Variants in CMPK1 observed in about 807,000 individuals in gnomAD.
CMPK1 encodes the protein cytidine/uridine monophosphate kinase 1, also known as UMP-CMP kinase.
CMPK1 carries 10 observed loss-of-function variants against 25.7 expected under a neutral mutation model. That is an observed-to-expected ratio of 0.39 (90% CI 0.24 to 0.66). The LOEUF is 0.66. CMPK1 is among the 30% of genes least tolerant of loss of function. The pLI is 0.48. For synonymous variants in CMPK1, 106 were observed against 101.5 expected, an observed-to-expected ratio of 1.04 and a Z score of -0.27; for missense variants, 199 against 280.5, an observed-to-expected ratio of 0.71 and a Z score of 2.08.
At chr1:47,351,078 TTTTGTTTGTTTG>T (rs371788247) in intron 1 of CMPK1, among the ~76,000 whole-genome samples, 1 of 151,806 alleles carries the variant, frequency 6.6e-6, no homozygotes, top group Non-Finnish European at 1.5e-5. Context: ...TTAACATAAT[TTTTGTTTGTTTG>T]TTTGTTTGTT....
intron 1 of CMPK1, among the ~76,000 whole-genome samples, chr1:47,342,758 T>G (rs1646450936): frequency 6.6e-6 from 1 of 150,488 alleles, no homozygotes; most frequent in Non-Finnish European, 1.5e-5. Flanking sequence ...CAAGAAATTC[T>G]CCTGCCTCAG....
intron 5 of CMPK1, among the ~76,000 whole-genome samples, chr1:47,376,223 CA>C (rs1264903575): frequency 6.6e-6 from 1 of 151,428 alleles, no homozygotes; most frequent in East Asian, 1.9e-4. Context: ...GTATGTGATT[CA>C]AAAAAATGAT....
At chr1:47,364,550 C>T (rs1024417398) in intron 1 of CMPK1, among the ~76,000 whole-genome samples, 1 of 151,270 alleles carries the variant, frequency 6.6e-6, no homozygotes, top group Non-Finnish European at 1.5e-5. Context: ...ATCTCCTGAC[C>T]TGGTGATCCA....
intron 1 of CMPK1, among the ~76,000 whole-genome samples, chr1:47,359,508 C>T (rs550309725): frequency 6.7e-6 from 1 of 149,514 alleles, no homozygotes; most frequent in Non-Finnish European, 1.5e-5. Flanking sequence ...CTGTTTCAGC[C>T]TCCTGAGTAG....
chr1:47,335,109 G>A (rs1332534838), intron 1 of CMPK1, among the ~76,000 whole-genome samples: 1 of 152,160 alleles, frequency 6.6e-6, no homozygotes, highest in Non-Finnish European at 1.5e-5. Context: ...GCGACCATTG[G>A]TGGCCTCTAG....
At chr1:47,372,800 CTTT>C (rs375936386) in intron 2 of CMPK1, among the ~76,000 whole-genome samples, 152 bp from the exon 3 acceptor site, 2 of 84,166 alleles carry the variant, frequency 2.4e-5, no homozygotes, top group South Asian at 5.6e-4. Context: ...TTCTTTCTTT[CTTT>C]TTTTCTTTTC....
At chr1:47,343,468 A>T (rs1172324297) in intron 1 of CMPK1, among the ~76,000 whole-genome samples, 2 of 150,724 alleles carry the variant, frequency 1.3e-5, no homozygotes, top group African/African-American at 4.9e-5. Flanking sequence ...AGACCACACC[A>T]TTGCACTCCA....
Position 47,349,165 on chromosome 1 carries a change from A to G in CMPK1, c.171+15049A>G, listed in dbSNP as rs7525552. 5.4e-3 allele frequency among the ~76,000 whole-genome samples: 826 copies of G among 152,332 alleles called. 8 individuals carry two copies. Among genetic ancestry groups the G allele is most frequent in the African/African-American group, 0.019 (780 of 41,592 alleles). ...CATCTGCAAGCCAGGACATAACAAA[A>G]TGATCAACTTTGAGTTTCTTCTTTA... On this transcript the variant is annotated intron_variant, in intron 1 of 5. Coordinates refer to ENST00000371873, the MANE Select transcript of CMPK1 (RefSeq NM_016308.3).
At chr1:47,353,863 C>T (rs1398438353) in intron 1 of CMPK1, among the ~76,000 whole-genome samples, 3 of 152,064 alleles carry the variant, frequency 2.0e-5, no homozygotes, top group Admixed American at 6.6e-5. Flanking sequence ...ATTACAGGCA[C>T]CCGCCCCCAT....
intron 1 of CMPK1, among the ~76,000 whole-genome samples, chr1:47,365,271 CTTT>C (rs34324996): frequency 3.6e-5 from 5 of 137,216 alleles, no homozygotes; most frequent in Non-Finnish European, 4.6e-5. Flanking sequence ...CCCTGAAGAT[CTTT>C]TTTTTTTTTT....
At chr1:47,356,362 T>C (rs1283286040) in intron 1 of CMPK1, among the ~76,000 whole-genome samples, 1 of 152,128 alleles carries the variant, frequency 6.6e-6, no homozygotes, top group Non-Finnish European at 1.5e-5. Context: ...TTCATTGTTC[T>C]ATTTGTCTAT....
At chr1:47,369,395 C>T (rs1435996761) in intron 2 of CMPK1, among the ~76,000 whole-genome samples, 1 of 152,184 alleles carries the variant, frequency 6.6e-6, no homozygotes, top group Non-Finnish European at 1.5e-5. Context: ...AGAAAGCGGA[C>T]AGTGGCAAGG....
chr1:47,339,701 CTTTTTTTTTTTT>C (rs71053104), intron 1 of CMPK1, among the ~76,000 whole-genome samples: 3 of 109,954 alleles, frequency 2.7e-5, no homozygotes, highest in East Asian at 2.8e-4. Flanking sequence ...TCTTCCTTTC[CTTTTTTTTTTTT>C]TTTTTTTTTT....
At chr1:47,358,273 AGG>A in intron 1 of CMPK1, 1 of 492,992 alleles carries the variant, frequency 2.0e-6, no homozygotes, top group South Asian at 1.5e-5. Context: ...TCACCATGAC[AGG>A]CTAATTTTTC....
chr1:47,356,458 T>C (rs1194052807), intron 1 of CMPK1, among the ~76,000 whole-genome samples: 1 of 152,190 alleles, frequency 6.6e-6, no homozygotes, highest in Non-Finnish European at 1.5e-5. Flanking sequence ...TTTGTAGTTA[T>C]TAATATTATT....
intron 1 of CMPK1, among the ~76,000 whole-genome samples, chr1:47,352,464 T>C (rs1164166880): frequency 1.3e-5 from 2 of 148,392 alleles, no homozygotes; most frequent in Non-Finnish European, 3.0e-5. Context: ...ATCTATATAG[T>C]GCCACGAGTT....
chr1:47,343,270 A>C (rs1646455352), intron 1 of CMPK1, among the ~76,000 whole-genome samples: 1 of 150,622 alleles, frequency 6.6e-6, no homozygotes, highest in Non-Finnish European at 1.5e-5. Context: ...TACAGGCATG[A>C]GCCACAATGC....
chr1:47,373,022 A>C lies in CMPK1; in HGVS notation c.386A>C (p.Asn129Thr), dbSNP rs1054097379. 1.2e-6 allele frequency: 2 copies of C among 1,613,560 alleles called. No homozygotes were observed. Among genetic ancestry groups the C allele is most frequent in the Non-Finnish European group, 1.7e-6 (2 of 1,179,794 alleles). The change falls in exon 3 of 6, where the codon AAT becomes ACT. Residue 129 changes from asparagine (N) to threonine (T), a missense_variant. Around this residue, in one of 2 missense-constraint regions of CMPK1, gnomAD observed 140 missense variants for 235.5 expected, o/e 0.59. Coordinates refer to ENST00000371873, the MANE Select transcript of CMPK1 (RefSeq NM_016308.3). ...TTCTTGATTGATGGGTTTCCAAGAA[A>C]TCAAGACAACCTTCAAGGATGGAAC... ...NKFLIDGFPR[N>T]QDNLQGWNKT...
rs188128238 is a variant in CMPK1 at position 47,369,602 on chromosome 1, G to A, written c.318+987G>A. Among the ~76,000 whole-genome samples the A allele has an allele frequency of 1.5e-3, 218 of 149,314 alleles. 1 individual carries two copies. Among genetic ancestry groups the A allele is most frequent in the Admixed American group, 0.011 (168 of 14,916 alleles). Reference sequence around the variant, plus strand: ...TTTTGAGATAGAGTCTCGCTCTGTCGCCAGGCTGGAGTGTAGTGGCGCGAT... The same window carrying A: ...TTTTGAGATAGAGTCTCGCTCTGTCACCAGGCTGGAGTGTAGTGGCGCGAT... On this transcript the variant is annotated intron_variant, in intron 2 of 5. Coordinates refer to ENST00000371873, the MANE Select transcript of CMPK1 (RefSeq NM_016308.3).
Sources: gnomAD v4.1 joint callset for allele counts (sites outside exome capture counted in the v4.1 genomes callset) on GRCh38, gnomAD v4.1.1 for gene constraint, gnomAD v4.1.1 regional missense constraint, MANE v1.5 for transcripts, NCBI Gene and HGNC (gene_info 2026-07-23, HGNC 2026-07-21) for gene names.